Variants in TJP2 observed in about 807,000 individuals in gnomAD.
TJP2 encodes the protein tight junction protein 2.
In TJP2, 91 loss-of-function variants were observed where a neutral mutation model predicts 133.1. The ratio of observed to expected loss-of-function variants is 0.68; its 90% CI spans 0.58 to 0.81. The LOEUF (loss-of-function observed/expected upper bound fraction) is 0.81. TJP2 is among the 40% of genes least tolerant of loss of function. The pLI is 0.00. For missense variants in TJP2, 1,541 were observed against 1,565.6 expected (o/e 0.98, Z 0.26); for synonymous variants, 592 against 583.4 (o/e 1.01, Z -0.21).
chr9:69,148,151 T>G (rs986332845), intron 1 of TJP2, among the ~76,000 whole-genome samples: 2 of 151,938 alleles, frequency 1.3e-5, no homozygotes, highest in South Asian at 2.1e-4. Flanking sequence ...CTCGAACTCC[T>G]TACCTTAGGT....
At chr9:69,180,171 T>G (rs1269144335) in intron 1 of TJP2, among the ~76,000 whole-genome samples, 1 of 152,200 alleles carries the variant, frequency 6.6e-6, no homozygotes, top group Non-Finnish European at 1.5e-5. Context: ...GGAATGTTTG[T>G]AACCCATTGT....
At chr9:69,171,789 A>ATTTTTTTTT (rs34717893), upstream of TJP2, among the ~76,000 whole-genome samples, 8 of 86,758 alleles carry the variant, frequency 9.2e-5, no homozygotes, top group Non-Finnish European at 8.2e-5. Flanking sequence ...GAGTAGAAGA[A>ATTTTTTTTT]TTTTTTTTTT....
At chr9:69,138,949 C>T (rs545961859) in intron 1 of TJP2, among the ~76,000 whole-genome samples, 2 of 143,780 alleles carry the variant, frequency 1.4e-5, no homozygotes, top group African/African-American at 5.2e-5. Flanking sequence ...TGCAGTGGCT[C>T]GGGCCTATAA....
intron 1 of TJP2, among the ~76,000 whole-genome samples, chr9:69,198,452 A>G (rs576001172): frequency 3.0e-4 from 45 of 152,302 alleles, no homozygotes; most frequent in African/African-American, 1.1e-3. Flanking sequence ...ACCTTTCTCA[A>G]TTCTTTATTA....
rs548512481 is a variant in TJP2, at chr9:69,234,370, T to TTTTC, written c.1672-41_1672-38dup. On this transcript the variant is annotated intron_variant, in intron 11 of 22. Coordinates refer to ENST00000377245, the MANE Select transcript of TJP2 (RefSeq NM_004817.4). ...GCATCTTACTATAAACTTCTCTGTTTTTTCTTTCTTTCTTTCTTTCTTTCT... is the reference window on the plus strand; with the variant it reads ...GCATCTTACTATAAACTTCTCTGTTTTTTCTTTCTTTCTTTCTTTCTTTCTTTCT... 50,214 of 1,110,938 alleles carry TTTTC rather than the reference T, an allele frequency of 0.045. 996 individuals are homozygous for TTTTC. Among genetic ancestry groups the TTTTC allele is most frequent in the African/African-American group, 0.071 (4,012 of 56,126 alleles). The allele number at this position is 1,110,938 out of a possible 1,614,324, so 68.8% of individuals were successfully genotyped here.
intron 1 of TJP2, among the ~76,000 whole-genome samples, chr9:69,174,664 G>A (rs1022035164): frequency 6.6e-6 from 1 of 152,214 alleles, no homozygotes; most frequent in East Asian, 1.9e-4. Context: ...CACTTGGGCT[G>A]GAGATTAAGG....
chr9:69,223,610 G>C (rs1283716580), intron 5 of TJP2, among the ~76,000 whole-genome samples: 7 of 152,052 alleles, frequency 4.6e-5, no homozygotes, highest in African/African-American at 1.7e-4. Flanking sequence ...CTTGGCCAAT[G>C]AGTGCATTTT....
chr9:69,140,787 A>C (rs1822986382), intron 1 of TJP2, among the ~76,000 whole-genome samples: 1 of 152,210 alleles, frequency 6.6e-6, no homozygotes, highest in Non-Finnish European at 1.5e-5. Context: ...GCGTAGGATC[A>C]ATTTCTACCA....
At chr9:69,145,975 T>C (rs1414627761) in intron 1 of TJP2, among the ~76,000 whole-genome samples, 1 of 152,104 alleles carries the variant, frequency 6.6e-6, no homozygotes, top group Non-Finnish European at 1.5e-5. Flanking sequence ...ATGGAACTCC[T>C]AGACTGATTT....
At chr9:69,173,534 A>G (rs548315352), upstream of TJP2, among the ~76,000 whole-genome samples, 8 of 152,300 alleles carry the variant, frequency 5.3e-5, no homozygotes, top group African/African-American at 1.9e-4. Context: ...GAAATGTGCC[A>G]AAGAGATAAC....
At position 69,207,991 on chromosome 9, in the gene TJP2, C is replaced by T. The variant is rs144212943; in HGVS notation, c.61-4557C>T. 3.0e-3 allele frequency among the ~76,000 whole-genome samples: 450 copies of T among 152,288 alleles called. 2 individuals are homozygous for T. Among genetic ancestry groups the T allele is most frequent in the African/African-American group, 0.01 (418 of 41,558 alleles). ...TTGGTAAGCTGCCCAAGGGCTTTGGCGATTTTATTCACTGATGTCTCTGAA... is the reference window on the plus strand; with the variant it reads ...TTGGTAAGCTGCCCAAGGGCTTTGGTGATTTTATTCACTGATGTCTCTGAA... On this transcript the variant is annotated intron_variant, in intron 1 of 22. Coordinates refer to ENST00000377245, the MANE Select transcript of TJP2 (RefSeq NM_004817.4).
intron 1 of TJP2, among the ~76,000 whole-genome samples, chr9:69,137,239 T>TTCTCTCTC (rs147892355): frequency 6.7e-5 from 6 of 89,680 alleles, no homozygotes; most frequent in African/African-American, 2.6e-4. Flanking sequence ...CTTTCTTTCT[T>TTCTCTCTC]TCTCTCTCTC....
chr9:69,221,870 T>TTA (rs1828897892), intron 5 of TJP2, among the ~76,000 whole-genome samples: 1 of 148,348 alleles, frequency 6.7e-6, no homozygotes. Context: ...CTACTTTTTT[T>TTA]TTTTTTTTTT....
upstream of TJP2, among the ~76,000 whole-genome samples, chr9:69,171,504 G>C (rs1824679781): frequency 6.6e-6 from 1 of 151,796 alleles, no homozygotes; most frequent in Non-Finnish European, 1.5e-5. Flanking sequence ...ACTTCTCTCT[G>C]TGTTATTTAT....
intron 4 of TJP2, among the ~76,000 whole-genome samples, chr9:69,219,187 C>T (rs1175442715): frequency 6.6e-6 from 1 of 152,140 alleles, no homozygotes; most frequent in Admixed American, 6.5e-5. Context: ...CAGGCTGGTC[C>T]CGAACTCCCA....
chr9:69,121,323 C>T (rs1822127971), upstream of TJP2: 1 of 985,458 alleles, frequency 1.0e-6, no homozygotes, highest in Non-Finnish European at 1.2e-6. Context: ...CGTCTCCCTC[C>T]CGGGGCTCGC....
chr9:69,223,022 T>G (rs1384641165), intron 5 of TJP2, among the ~76,000 whole-genome samples: 2 of 127,820 alleles, frequency 1.6e-5, no homozygotes, highest in African/African-American at 5.9e-5. Flanking sequence ...GTAGCAGAGA[T>G]CATGTCACTG....
chr9:69,160,046 C>T lies in TJP2; in HGVS notation c.-10+8275C>T, dbSNP rs993462857. Reference sequence around the variant, plus strand: ...GGATGATTCAAGCAAAGGCAGAACTCGATCAAGAAGGGAGAAGATATGTAA... The same window carrying T: ...GGATGATTCAAGCAAAGGCAGAACTTGATCAAGAAGGGAGAAGATATGTAA... On this transcript the variant is annotated intron_variant, in intron 2 of 5. Transcript: ENST00000423935. Among the ~76,000 whole-genome samples the T allele has an allele frequency of 3.3e-5, 5 of 151,242 alleles. No homozygotes were observed. In the South Asian group the frequency reaches 8.3e-4, roughly 25 times the overall value.
At chr9:69,210,561 T>C (rs1588064841) in intron 1 of TJP2, among the ~76,000 whole-genome samples, 2 of 152,194 alleles carry the variant, frequency 1.3e-5, no homozygotes, top group Admixed American at 1.3e-4. Context: ...TTACATAATT[T>C]AGATAATAAT....
Sources: gnomAD v4.1 joint callset for allele counts (sites outside exome capture counted in the v4.1 genomes callset) on GRCh38, gnomAD v4.1.1 for gene constraint, MANE v1.5 for transcripts, NCBI Gene and HGNC (gene_info 2026-07-23, HGNC 2026-07-21) for gene names.